FHL2: variants seen among roughly 807,000 people sequenced by gnomAD.
The protein encoded by FHL2 is four and a half LIM domains 2, also known as four and a half LIM domains protein 2.
A neutral mutation model predicts 32.7 loss-of-function variants in FHL2; 20 were observed. The ratio of observed to expected loss-of-function variants is 0.61; its 90% CI spans 0.43 to 0.89. The LOEUF (loss-of-function observed/expected upper bound fraction) is 0.89, where lower values mean the gene tolerates loss of function less well. FHL2 is among the 40% of genes least tolerant of loss of function. FHL2 has a pLI of 0.00. For missense variants in FHL2, 311 were observed against 358.6 expected, an observed-to-expected ratio of 0.87 and a Z score of 1.07; for synonymous variants, 123 against 128.1, an observed-to-expected ratio of 0.96 and a Z score of 0.27.
intron 1 of FHL2, among the ~76,000 whole-genome samples, chr2:105,429,756 G>T (rs1684372645): frequency 6.6e-6 from 1 of 152,224 alleles, no homozygotes; most frequent in Admixed American, 6.5e-5. Flanking sequence ...CCTTAGTTCA[G>T]ATACTTTTCT....
At chr2:105,398,638 G>C (rs1276394552) in intron 1 of FHL2, among the ~76,000 whole-genome samples, 2 of 152,176 alleles carry the variant, frequency 1.3e-5, no homozygotes, top group Non-Finnish European at 2.9e-5. Context: ...GCTCCTCTGA[G>C]CTCCAGCGCC....
chr2:105,408,602 A>G (rs1456739417), intron 1 of FHL2, among the ~76,000 whole-genome samples: 1 of 152,228 alleles, frequency 6.6e-6, no homozygotes, highest in African/African-American at 2.4e-5. Flanking sequence ...TGGCACGTGG[A>G]TGCAGAGAAA....
downstream of FHL2, chr2:105,357,951 A>G (rs1479004700): frequency 6.6e-6 from 1 of 152,154 alleles, no homozygotes; most frequent in Non-Finnish European, 1.5e-5. Context: ...GCCTTAGAGA[A>G]TGCTTTCAAG....
At chr2:105,396,176 G>A (rs1346789400) in intron 2 of FHL2, among the ~76,000 whole-genome samples, 1 of 152,174 alleles carries the variant, frequency 6.6e-6, no homozygotes, top group Admixed American at 6.5e-5. Context: ...GAGATTTATC[G>A]CAATGATTTA....
intron 1 of FHL2, among the ~76,000 whole-genome samples, chr2:105,411,534 T>G: frequency 7.0e-6 from 1 of 142,400 alleles, no homozygotes; most frequent in African/African-American, 2.7e-5. Flanking sequence ...GTCCTGAACT[T>G]AGGGTTTTTT....
rs1195523891 is a variant in FHL2 at position 105,410,771 on chromosome 2, GA to G, written c.-24-24232del. Among the ~76,000 whole-genome samples, 5 of 152,048 alleles carry G rather than the reference GA, an allele frequency of 3.3e-5. No homozygotes were observed. In the South Asian group the frequency reaches 1.0e-3, roughly 32 times the overall value. The stretch of plus-strand genomic sequence containing the variant: ...GAGACCTGAGGTGTCCACACTGGTG[GA>G]AAAAAAATGCTGCCAGATTTAAGGT... On this transcript the variant is annotated intron_variant, in intron 1 of 5. Transcript: ENST00000393352.
intron 3 of FHL2, among the ~76,000 whole-genome samples, chr2:105,381,667 T>TCAGGG (rs1681897296): frequency 2.0e-5 from 3 of 152,194 alleles, no homozygotes; most frequent in African/African-American, 4.8e-5. Context: ...CTTGATTAAA[T>TCAGGG]TCCCTTCACA....
intron 5 of FHL2, among the ~76,000 whole-genome samples, chr2:105,366,899 C>A (rs531613536): frequency 1.6e-4 from 24 of 152,246 alleles, no homozygotes; most frequent in East Asian, 9.7e-4. Context: ...GCGTGTGCCA[C>A]CACACCCAGC....
chr2:105,367,514 G>A (rs367580793), intron 5 of FHL2, 56 bp downstream of exon 5: 1 of 1,536,910 alleles, frequency 6.5e-7, no homozygotes, highest in African/African-American at 1.4e-5. Flanking sequence ...GACAGACATG[G>A]ACCATGGAGG....
At chr2:105,413,821 A>G (rs528819069) in intron 1 of FHL2, among the ~76,000 whole-genome samples, 2 of 152,196 alleles carry the variant, frequency 1.3e-5, no homozygotes, top group East Asian at 1.9e-4. Flanking sequence ...AATGCAGAAC[A>G]CTTCTGTGAC....
intron 1 of FHL2, among the ~76,000 whole-genome samples, chr2:105,416,310 A>T (rs150600578): frequency 9.8e-5 from 15 of 152,384 alleles, no homozygotes; most frequent in African/African-American, 3.1e-4. Flanking sequence ...TGAGCTTAAT[A>T]GAAGACAGCT....
chr2:105,365,289 TAA>T (rs1418781471), intron 5 of FHL2, among the ~76,000 whole-genome samples: 3 of 152,086 alleles, frequency 2.0e-5, no homozygotes, highest in Non-Finnish European at 4.4e-5. Context: ...AGACTACAGT[TAA>T]GTGTCTGCAT....
At chr2:105,369,214 A>G (rs2118291) in intron 4 of FHL2, among the ~76,000 whole-genome samples, 135,596 of 152,214 alleles carry the variant, frequency 0.89, 60,717 homozygotes, top group African/African-American at 0.97. Flanking sequence ...AAGCCGACAG[A>G]GGGACTGCCC....
intron 2 of FHL2, among the ~76,000 whole-genome samples, chr2:105,389,285 G>A (rs1455943274): frequency 1.3e-5 from 2 of 152,156 alleles, no homozygotes; most frequent in Non-Finnish European, 2.9e-5. Context: ...CCTTTGTACC[G>A]CAGCCATCTC....
chr2:105,391,329 G>A (rs142958424), intron 2 of FHL2, among the ~76,000 whole-genome samples: 43 of 152,294 alleles, frequency 2.8e-4, no homozygotes, highest in Middle Eastern at 3.4e-3. Flanking sequence ...TACTCAGTGC[G>A]TGCTGGAGGT....
At chr2:105,404,687 G>A (rs1357110705) in intron 1 of FHL2, among the ~76,000 whole-genome samples, 5 of 152,134 alleles carry the variant, frequency 3.3e-5, no homozygotes, top group African/African-American at 1.2e-4. Flanking sequence ...CTGCCTGTCA[G>A]ACTTTCAGGA....
At chr2:105,388,681 A>G (rs1222002872) in intron 2 of FHL2, among the ~76,000 whole-genome samples, 1 of 151,970 alleles carries the variant, frequency 6.6e-6, no homozygotes, top group Non-Finnish European at 1.5e-5. Flanking sequence ...AAAAAAAAAA[A>G]AAATTAGCCG....
At chr2:105,390,993 A>ATGTGTGTGTGTGTG (rs1682689983) in intron 2 of FHL2, among the ~76,000 whole-genome samples, 1 of 150,030 alleles carries the variant, frequency 6.7e-6, no homozygotes, top group African/African-American at 2.5e-5. Context: ...GTGTGTGTGT[A>ATGTGTGTGTGTGTG]TGTGTATTTT....
intron 4 of FHL2, among the ~76,000 whole-genome samples, chr2:105,370,523 G>T (rs967523744): frequency 4.6e-5 from 7 of 152,294 alleles, no homozygotes; most frequent in East Asian, 1.9e-4. Context: ...CAGCACTGGG[G>T]TTACTGATGG....
Sources: allele counts gnomAD v4.1 joint callset (sites outside exome capture counted in the v4.1 genomes callset), GRCh38; gene constraint gnomAD v4.1.1; transcripts MANE v1.5; gene names NCBI Gene and HGNC (gene_info 2026-07-23, HGNC 2026-07-21).